The following BTBD1 variants were observed in gnomAD, a reference collection of about 807,000 sequenced individuals.
The protein encoded by BTBD1 is BTB domain containing 1.
In BTBD1, 34 loss-of-function variants were observed where a neutral mutation model predicts 48.0. The ratio of observed to expected loss-of-function variants is 0.71; its 90% confidence interval spans 0.54 to 0.94. The LOEUF (loss-of-function observed/expected upper bound fraction) is 0.94. Ranked by LOEUF, BTBD1 falls within the 40% of genes least tolerant of loss-of-function variation. The pLI, the probability that BTBD1 is intolerant of heterozygous loss-of-function variation, is 0.00. For missense variants in BTBD1, 543 were observed against 625.6 expected (o/e 0.87, Z 1.41); for synonymous variants, 261 against 242.1 (o/e 1.08, Z -0.72).
At chr15:83,038,655 A>G (rs1247915426) in intron 4 of BTBD1, among the ~76,000 whole-genome samples, 2 of 152,188 alleles carry the variant, frequency 1.3e-5, no homozygotes, top group Admixed American at 6.5e-5. Flanking sequence ...AAACTATACT[A>G]TAAGGCTACA....
intron 2 of BTBD1, among the ~76,000 whole-genome samples, chr15:83,055,354 C>T (rs1159497150): frequency 2.0e-5 from 3 of 150,124 alleles, no homozygotes; most frequent in Non-Finnish European, 4.5e-5. Flanking sequence ...ACCTCCCAAG[C>T]TCAAACTATT....
At position 83,019,823 on chromosome 15, in the gene BTBD1, CTGACCTCG is replaced by C. The variant is rs545812616; in HGVS notation, c.1143+844_1143+851del. 1.0e-3 allele frequency among the ~76,000 whole-genome samples: 155 copies of C among 151,690 alleles called. 3 individuals carry two copies. In the South Asian group the frequency reaches 0.029, roughly 28 times the overall value. Reference sequence around the variant, plus strand: ...TGTTGGCCAGGCTGGTCTCAAACTCCTGACCTCGTGATCCACCTTCCTTGGCCTCCCAA... The same window carrying C: ...TGTTGGCCAGGCTGGTCTCAAACTCCTGATCCACCTTCCTTGGCCTCCCAA... On this transcript the variant is annotated intron_variant, in intron 6 of 7. Coordinates refer to ENST00000261721, the MANE Select transcript of BTBD1 (RefSeq NM_025238.4).
At chr15:83,026,626 A>G (rs1057326404) in intron 5 of BTBD1, among the ~76,000 whole-genome samples, 1 of 149,476 alleles carries the variant, frequency 6.7e-6, no homozygotes, top group Non-Finnish European at 1.5e-5. Flanking sequence ...AGGTTCAAGC[A>G]ATTCTCCTGC....
Position 83,067,102 on chromosome 15 carries a change from T to C in BTBD1, c.50A>G (p.Glu17Gly), listed in dbSNP as rs759637648. Residue 17 changes from glutamate to glycine, a missense_variant, in exon 1 of 8, where the codon GAG (glutamate) becomes GGG (glycine). Coordinates refer to ENST00000261721, the MANE Select transcript of BTBD1 (RefSeq NM_025238.4). ...CGGCCCCGCGGGGCCCGGCTCCGCC[T>C]CAGCCCCCGACGCCTGCTCCCCAGC... ...AAAGEQASGA[E>G]AEPGPAGPPP... 6.7e-7 allele frequency: 1 copy of C among 1,493,964 alleles called. No individual in the cohort carries two copies. The highest frequency in any genetic ancestry group is 8.9e-7 in the Non-Finnish European group (1 of 1,129,254). The allele number at this position is 1,493,964 out of a possible 1,614,324, so 92.5% of individuals were successfully genotyped here.
chr15:83,054,808 C>T (rs1487579312), intron 2 of BTBD1, among the ~76,000 whole-genome samples: 2 of 152,112 alleles, frequency 1.3e-5, no homozygotes, highest in Non-Finnish European at 1.5e-5. Context: ...GATCTGCCCG[C>T]CTCGGCCTCC....
chr15:83,046,552 G>A (rs898981439), intron 3 of BTBD1, among the ~76,000 whole-genome samples: 4 of 152,106 alleles, frequency 2.6e-5, no homozygotes, highest in East Asian at 1.9e-4. Context: ...AGGCTCCAAC[G>A]GCATGCATAA....
chr15:83,020,665 G>A lies in BTBD1; in HGVS notation c.1143+10C>T. ...TTCAAAATGATATATGGTGGGGGAG[G>A]AAACTGTACCTGTATATTCACTTGA... On this transcript the variant is annotated intron_variant, in intron 6 of 7. Transcript: ENST00000261721. 1.3e-6 allele frequency: 2 copies of A among 1,536,368 alleles called. No homozygotes were observed. Among genetic ancestry groups the A allele is most frequent in the Non-Finnish European group, 1.8e-6 (2 of 1,117,622 alleles).
intron 4 of BTBD1, among the ~76,000 whole-genome samples, chr15:83,037,903 G>A (rs1229464239): frequency 6.6e-6 from 1 of 152,104 alleles, no homozygotes; most frequent in Non-Finnish European, 1.5e-5. Context: ...GGCCAACATG[G>A]TGAAACCCCA....
chr15:83,023,873 A>T (rs114584764), intron 5 of BTBD1, among the ~76,000 whole-genome samples: 24 of 152,102 alleles, frequency 1.6e-4, no homozygotes, highest in African/African-American at 5.3e-4. Flanking sequence ...TTTGATTATT[A>T]CTGTTACTAT....
At chr15:83,031,380 A>G (rs2032512889) in intron 4 of BTBD1, among the ~76,000 whole-genome samples, 2 of 152,218 alleles carry the variant, frequency 1.3e-5, no homozygotes, top group Non-Finnish European at 2.9e-5. Flanking sequence ...AACCAACCCA[A>G]ATGTCCATCA....
Position 83,041,900 on chromosome 15 carries a change from T to C in BTBD1, c.690A>G (p.Arg230=), listed in dbSNP as rs974281942. The change falls in exon 4 of 8, where the codon AGA becomes AGG. Residue 230 remains arginine, a synonymous_variant. Transcript: ENST00000261721. ...DIDTLCAVLE[R]DTLSIRESRL... ...GACTTTCTCGAATACTGAGTGTGTC[T>C]CTCTCTAAAACTGCACAGAGTGTAT... The C allele has an allele frequency of 6.2e-7, 1 of 1,614,002 alleles. No homozygotes were observed. The highest frequency in any genetic ancestry group is 1.3e-5 in the African/African-American group (1 of 74,912).
intron 3 of BTBD1, among the ~76,000 whole-genome samples, chr15:83,042,942 C>T (rs2032797108): frequency 6.6e-6 from 1 of 152,014 alleles, no homozygotes; most frequent in Non-Finnish European, 1.5e-5. Context: ...GAGTTTCAGG[C>T]CAGCCTGGGC....
At chr15:83,040,006 C>G (rs1248087145) in intron 4 of BTBD1, among the ~76,000 whole-genome samples, 2 of 150,252 alleles carry the variant, frequency 1.3e-5, no homozygotes, top group Admixed American at 1.3e-4. Context: ...CACACACACA[C>G]ACACACACAC....
intron 2 of BTBD1, among the ~76,000 whole-genome samples, chr15:83,054,535 T>C (rs1197566185): frequency 1.3e-5 from 2 of 151,506 alleles, no homozygotes; most frequent in Non-Finnish European, 2.9e-5. Flanking sequence ...TGAGAGAAGA[T>C]GTTTTTAAAA....
intron 1 of BTBD1, among the ~76,000 whole-genome samples, chr15:83,058,695 ATT>A (rs2033127932): frequency 6.6e-6 from 1 of 152,102 alleles, no homozygotes; most frequent in Admixed American, 6.5e-5. Context: ...GCCTTGATGT[ATT>A]TTTGTCAGGT....
intron 4 of BTBD1, among the ~76,000 whole-genome samples, chr15:83,036,225 A>G (rs886738810): frequency 2.6e-5 from 4 of 152,012 alleles, no homozygotes; most frequent in Non-Finnish European, 4.4e-5. Flanking sequence ...AAACCCAAAT[A>G]TATCTGTAAT....
chr15:83,023,158 T>A (rs1339411382), intron 5 of BTBD1, among the ~76,000 whole-genome samples: 1 of 152,102 alleles, frequency 6.6e-6, no homozygotes, highest in Non-Finnish European at 1.5e-5. Flanking sequence ...ATATATATAT[T>A]TGTAACCTCT....
At chr15:83,050,300 A>T in intron 2 of BTBD1, 122 bp from the exon 3 acceptor site, 1 of 569,658 alleles carries the variant, frequency 1.8e-6, no homozygotes. Context: ...TCTACTTAAA[A>T]TACACGCAAT....
intron 3 of BTBD1, among the ~76,000 whole-genome samples, chr15:83,042,348 T>TTTTA (rs773923340): frequency 0.014 from 1,506 of 109,866 alleles, 30 homozygotes; most frequent in Middle Eastern, 0.028. Context: ...TTAGGCAATT[T>TTTTA]TATATATATA....
Sources: gnomAD v4.1 joint callset for allele counts (sites outside exome capture counted in the v4.1 genomes callset) on GRCh38, gnomAD v4.1.1 for gene constraint, MANE v1.5 for transcripts, NCBI Gene and HGNC (gene_info 2026-07-23, HGNC 2026-07-21) for gene names.